Variants in TSHZ2 observed in about 807,000 individuals in gnomAD.
TSHZ2 encodes the protein teashirt homolog 2.
In TSHZ2, 21 loss-of-function variants were observed where a neutral mutation model predicts 74.4. That is an observed-to-expected ratio of 0.28 (90% confidence interval 0.20 to 0.41). The LOEUF (loss-of-function observed/expected upper bound fraction) is 0.41. TSHZ2 is among the 10% of genes least tolerant of loss of function. The pLI is 1.00. For synonymous variants in TSHZ2, 540 were observed against 515.3 expected, an observed-to-expected ratio of 1.05 and a Z score of -0.65; for missense variants, 1,244 against 1,293.5, an observed-to-expected ratio of 0.96 and a Z score of 0.59.
chr20:53,240,382 C>G (rs979477885), intron 1 of TSHZ2, among the ~76,000 whole-genome samples: 2 of 152,138 alleles, frequency 1.3e-5, no homozygotes, highest in African/African-American at 4.8e-5. Flanking sequence ...ATGATGTACC[C>G]TAGAACACTA....
At chr20:53,390,143 G>A (rs753311810) in intron 2 of TSHZ2, among the ~76,000 whole-genome samples, 3 of 152,150 alleles carry the variant, frequency 2.0e-5, no homozygotes, top group Non-Finnish European at 2.9e-5. Context: ...CTAGTGACAG[G>A]CTACAACTTG....
chr20:53,275,678 A>G (rs1990930901), intron 2 of TSHZ2, among the ~76,000 whole-genome samples: 1 of 152,180 alleles, frequency 6.6e-6, no homozygotes, highest in Non-Finnish European at 1.5e-5. Flanking sequence ...CTATAATTCC[A>G]ACACTTTGGG....
Position 53,287,339 on chromosome 20 carries a change from G to C in TSHZ2, c.*8+30768G>C, listed in dbSNP as rs113380040. On this transcript the variant is annotated intron_variant, in intron 2 of 2. Coordinates refer to ENST00000371497, the MANE Select transcript of TSHZ2 (RefSeq NM_173485.6). ...CTCTACCTTGAGCCTCACCAGGGCA[G>C]ACACTGTGTTTATCAGAACTCATCT... Among the ~76,000 whole-genome samples, 143 of 152,342 alleles carry C rather than the reference G, an allele frequency of 9.4e-4. 1 individual carries two copies. Among genetic ancestry groups the C allele is most frequent in the African/African-American group, 3.1e-3 (129 of 41,582 alleles).
intron 1 of TSHZ2, among the ~76,000 whole-genome samples, chr20:53,097,116 A>G (rs1446513166): frequency 6.6e-6 from 1 of 152,112 alleles, no homozygotes; most frequent in South Asian, 2.1e-4. Context: ...TCAATCAAAA[A>G]TGTCTCCAGA....
chr20:53,064,267 T>C (rs1382053428), intron 1 of TSHZ2, among the ~76,000 whole-genome samples: 3 of 152,170 alleles, frequency 2.0e-5, no homozygotes, highest in Non-Finnish European at 2.9e-5. Context: ...AACAAGGGCC[T>C]TGGAGTCACA....
rs1190801022 is a variant in TSHZ2 at position 53,333,072 on chromosome 20, A to G, written c.*8+76501A>G. On this transcript the variant is annotated intron_variant, in intron 2 of 2. Coordinates refer to ENST00000371497, the MANE Select transcript of TSHZ2 (RefSeq NM_173485.6). ...AACTCAGAAGGTATCTCCCTCTTCTATCCCATAAGCTCCATGACATCAAGC... is the reference window on the plus strand; with the variant it reads ...AACTCAGAAGGTATCTCCCTCTTCTGTCCCATAAGCTCCATGACATCAAGC... Among the ~76,000 whole-genome samples, 9 of 152,154 alleles carry G rather than the reference A, an allele frequency of 5.9e-5. No individual in the cohort carries two copies. The East Asian group carries it at 1.7e-3, about 29-fold the overall frequency.
chr20:53,422,782 T>G (rs1983524458), intron 2 of TSHZ2, among the ~76,000 whole-genome samples: 1 of 152,220 alleles, frequency 6.6e-6, no homozygotes, highest in South Asian at 2.1e-4. Context: ...ACACATAAAA[T>G]ATACTTATTC....
At chr20:53,126,231 C>T (rs1986943777) in intron 1 of TSHZ2, among the ~76,000 whole-genome samples, 1 of 152,188 alleles carries the variant, frequency 6.6e-6, no homozygotes, top group Non-Finnish European at 1.5e-5. Flanking sequence ...TTTGGCAGAG[C>T]GATGTCCACA....
intron 1 of TSHZ2, among the ~76,000 whole-genome samples, chr20:53,247,146 T>G (rs891015118): frequency 6.6e-6 from 1 of 152,218 alleles, no homozygotes; most frequent in Non-Finnish European, 1.5e-5. Flanking sequence ...TCTCTCTCGA[T>G]CCGTATATAT....
intron 2 of TSHZ2, among the ~76,000 whole-genome samples, chr20:53,423,730 T>A (rs191537976): frequency 2.0e-5 from 3 of 152,358 alleles, no homozygotes; most frequent in Non-Finnish European, 4.4e-5. Context: ...AATGCATTGG[T>A]TCCCCCTCTG....
intron 1 of TSHZ2, among the ~76,000 whole-genome samples, chr20:53,097,316 A>G (rs528555581): frequency 6.6e-6 from 1 of 152,224 alleles, no homozygotes. Context: ...AATAAAAATA[A>G]GAAGGTACTT....
intron 1 of TSHZ2, among the ~76,000 whole-genome samples, chr20:53,053,748 T>C (rs1984556167): frequency 6.6e-6 from 1 of 152,196 alleles, no homozygotes; most frequent in Admixed American, 6.5e-5. Flanking sequence ...TCTGCAAATG[T>C]AGAAATTATG....
chr20:53,305,990 A>AT, intron 2 of TSHZ2, among the ~76,000 whole-genome samples: 2 of 151,662 alleles, frequency 1.3e-5, no homozygotes, highest in Admixed American at 1.3e-4. Context: ...AAAAAAAAAA[A>AT]ATACGTTTGG....
intron 2 of TSHZ2, among the ~76,000 whole-genome samples, chr20:53,410,910 T>C (rs939920918): frequency 1.3e-5 from 2 of 152,036 alleles, no homozygotes; most frequent in African/African-American, 4.8e-5. Flanking sequence ...TTTGACCTCA[T>C]GTGATCCACC....
At chr20:53,003,903 T>C (rs986144418) in intron 1 of TSHZ2, among the ~76,000 whole-genome samples, 2 of 152,098 alleles carry the variant, frequency 1.3e-5, no homozygotes, top group African/African-American at 4.8e-5. Context: ...TTTCTTTTTT[T>C]TTTTAATTAT....
Position 53,441,497 on chromosome 20 carries a change from A to G in TSHZ2, c.*9-45647A>G, listed in dbSNP as rs576538443. Among the ~76,000 whole-genome samples the G allele has an allele frequency of 2.3e-3, 352 of 152,030 alleles. 8 individuals carry two copies. In the Middle Eastern group the frequency reaches 0.034, roughly 15 times the overall value. Reference sequence around the variant, plus strand: ...AGAAATGGGGTTTCACTTGTTAGCAAGGATTGTCTCAATCTCCTGACCTCA... The same window carrying G: ...AGAAATGGGGTTTCACTTGTTAGCAGGGATTGTCTCAATCTCCTGACCTCA... On this transcript the variant is annotated intron_variant, in intron 2 of 2. Transcript: ENST00000371497.
intron 1 of TSHZ2, among the ~76,000 whole-genome samples, chr20:53,019,337 G>C (rs1297906723): frequency 6.6e-6 from 1 of 151,660 alleles, no homozygotes; most frequent in East Asian, 1.9e-4. Flanking sequence ...TTTAAGACTT[G>C]ATTTGAAAGC....
At chr20:53,407,435 T>C (rs1467111532) in intron 2 of TSHZ2, among the ~76,000 whole-genome samples, 6 of 152,216 alleles carry the variant, frequency 3.9e-5, no homozygotes, top group African/African-American at 1.4e-4. Context: ...GAAATTCTTT[T>C]GAATGCAATT....
At chr20:53,004,868 G>A (rs1982580849) in intron 1 of TSHZ2, among the ~76,000 whole-genome samples, 1 of 152,162 alleles carries the variant, frequency 6.6e-6, no homozygotes, top group Non-Finnish European at 1.5e-5. Flanking sequence ...AGTGGAGGTA[G>A]ATACCATCAT....
Sources: allele counts gnomAD v4.1 joint callset (sites outside exome capture counted in the v4.1 genomes callset), GRCh38; gene constraint gnomAD v4.1.1; transcripts MANE v1.5; gene names NCBI Gene and HGNC (gene_info 2026-07-23, HGNC 2026-07-21).